The following BID variants were observed in gnomAD, a reference collection of about 807,000 sequenced individuals.
BID encodes the protein BH3 interacting domain death agonist.
A neutral mutation model predicts 17.4 loss-of-function variants in BID; 19 were observed. The observed-to-expected ratio is 1.09, with a 90% CI of 0.76 to 1.60. BID has a LOEUF of 1.60. Among genes scored for constraint, BID ranks in the 40% most tolerant of loss-of-function variants. The pLI is 0.00. For synonymous variants in BID, 108 were observed against 102.8 expected, an observed-to-expected ratio of 1.05 and a Z score of -0.31; for missense variants, 226 against 256.0, an observed-to-expected ratio of 0.88 and a Z score of 0.80.
rs543943613 is a variant in BID, at chr22:17,773,823, G to C, written c.-59+558C>G. 1.4e-5 allele frequency: 12 copies of C among 852,356 alleles called. No homozygotes were observed. The East Asian group carries it at 2.7e-4, about 19-fold the overall frequency. The allele number at this position is 852,356 out of a possible 1,614,324, so 52.8% of individuals were successfully genotyped here. A position where few individuals can be genotyped will look rare whatever the true frequency, so the allele number is the denominator to read the frequency against. On this transcript the variant is annotated intron_variant, in intron 1 of 5. Coordinates refer to ENST00000622694, the MANE Select transcript of BID (RefSeq NM_001196.4). This position sits in a 1 kb window ranked among gnomAD's most constrained non-coding sequence, Gnocchi z 4.4. ...TTCCCAGCAGCAGCAGCGAGGATCC[G>C]CACATCATTGCCAGTGCTCTAAGGA... is the stretch of plus-strand genomic sequence containing the variant.
intron 5 of BID, among the ~76,000 whole-genome samples, chr22:17,736,276 G>A (rs181384): frequency 0.05 from 7,633 of 151,958 alleles, 324 homozygotes; most frequent in African/African-American, 0.11. Context: ...GCCTAACATG[G>A]GAGAAACCTC....
At chr22:17,742,496 A>T (rs1019658398) in intron 3 of BID, among the ~76,000 whole-genome samples, 1 of 46,708 alleles carries the variant, frequency 2.1e-5, no homozygotes, top group Non-Finnish European at 4.9e-5. Context: ...CCCCACCCCC[A>T]CCCCGGTCTA....
chr22:17,735,638 C>T (rs1160342227), intron 5 of BID, 47 bp from the exon 6 acceptor site: 2 of 1,612,612 alleles, frequency 1.2e-6, no homozygotes, highest in African/African-American at 1.3e-5. Context: ...GGCTCATTCA[C>T]AAACCAGGCT....
intron 1 of BID, among the ~76,000 whole-genome samples, chr22:17,770,462 C>T (rs1037162580): frequency 6.6e-6 from 1 of 152,178 alleles, no homozygotes; most frequent in Admixed American, 6.5e-5. Flanking sequence ...TGGAACACCG[C>T]CCATCCCGGA....
intron 1 of BID, among the ~76,000 whole-genome samples, chr22:17,756,782 G>A (rs2061594279): frequency 6.6e-6 from 1 of 151,776 alleles, no homozygotes; most frequent in Admixed American, 6.6e-5. Context: ...CACTATGTTG[G>A]CCAGGCGGGT....
At chr22:17,737,431 C>T (rs550310825) in intron 5 of BID, among the ~76,000 whole-genome samples, 20 of 152,276 alleles carry the variant, frequency 1.3e-4, no homozygotes, top group Admixed American at 4.6e-4. Flanking sequence ...ACTGCAACCT[C>T]TGCCTCCAGG....
At chr22:17,763,906 A>T (rs527585893) in intron 1 of BID, among the ~76,000 whole-genome samples, 2 of 47,504 alleles carry the variant, frequency 4.2e-5, no homozygotes, top group East Asian at 3.3e-3. Flanking sequence ...TTATAATTTA[A>T]AAAAAAAAAA....
intron 1 of BID, among the ~76,000 whole-genome samples, chr22:17,758,090 C>G (rs1341608123): frequency 6.6e-6 from 1 of 152,164 alleles, no homozygotes; most frequent in Admixed American, 6.5e-5. Context: ...CCTGGGGGGT[C>G]CTTGAAGGTA....
At chr22:17,764,867 G>A (rs1403511369) in intron 1 of BID, among the ~76,000 whole-genome samples, 2 of 152,170 alleles carry the variant, frequency 1.3e-5, no homozygotes, top group Admixed American at 6.6e-5. Context: ...AGAAATAAGC[G>A]GTAGCATCTC....
At chr22:17,737,355 C>T (rs2061427628) in intron 5 of BID, among the ~76,000 whole-genome samples, 1 of 152,032 alleles carries the variant, frequency 6.6e-6, no homozygotes, top group African/African-American at 2.4e-5. Context: ...TCACATTACA[C>T]CTTTTTTTTG....
intron 1 of BID, among the ~76,000 whole-genome samples, chr22:17,761,083 A>G (rs1380079379): frequency 6.6e-6 from 1 of 152,216 alleles, no homozygotes; most frequent in African/African-American, 2.4e-5. Flanking sequence ...AGGTCTTACA[A>G]GATAACGCTT....
chr22:17,767,708 G>A (rs957941253), intron 1 of BID, among the ~76,000 whole-genome samples: 1 of 152,168 alleles, frequency 6.6e-6, no homozygotes, highest in Non-Finnish European at 1.5e-5. Context: ...GGGTAAGCCC[G>A]AAACCAACAG....
At chr22:17,764,017 A>G (rs1331514465) in intron 1 of BID, among the ~76,000 whole-genome samples, 1 of 152,194 alleles carries the variant, frequency 6.6e-6, no homozygotes, top group Non-Finnish European at 1.5e-5. Context: ...TCTCATTTCC[A>G]TTCAGAAATC....
chr22:17,748,912 G>A (rs2061516421), intron 2 of BID, among the ~76,000 whole-genome samples: 1 of 152,230 alleles, frequency 6.6e-6, no homozygotes, highest in Admixed American at 6.5e-5. Context: ...TCAGGGCCGG[G>A]GGAGCTCCTG....
intron 5 of BID, 74 bp from the exon 6 acceptor site, chr22:17,735,665 C>T: frequency 6.3e-7 from 1 of 1,575,686 alleles, no homozygotes. Flanking sequence ...CTCTGTGCCA[C>T]AGTAGAGCAA....
intron 3 of BID, among the ~76,000 whole-genome samples, chr22:17,743,422 G>A (rs1016294192): frequency 6.6e-6 from 1 of 152,256 alleles, no homozygotes; most frequent in African/African-American, 2.4e-5. Flanking sequence ...ACAAGGCCAA[G>A]TGTGAGAACC....
At chr22:17,761,532 C>T (rs987479377) in intron 1 of BID, among the ~76,000 whole-genome samples, 4 of 151,128 alleles carry the variant, frequency 2.6e-5, no homozygotes, top group South Asian at 2.1e-4. Context: ...CCTGGGTTCA[C>T]GCCATTCTCC....
intron 1 of BID, among the ~76,000 whole-genome samples, chr22:17,766,759 G>A (rs2061682061): frequency 6.6e-6 from 1 of 150,468 alleles, no homozygotes; most frequent in Non-Finnish European, 1.5e-5. Flanking sequence ...CCGGCTAATT[G>A]TTTGTATTTT....
In BID at chr22:17,740,619, G is replaced by A. The variant is rs181197206; in HGVS notation, c.224-1131C>T. ...TAATTTTTGTATTTTAAGTAGAGAC[G>A]GGTTTCACCATGTTGGTCAGGCTGG... is the stretch of plus-strand genomic sequence containing the variant. On this transcript the variant is annotated intron_variant, in intron 3 of 5. Transcript: ENST00000622694. 254 of 175,194 alleles carry A rather than the reference G, an allele frequency of 1.4e-3. 1 individual carries two copies. Among genetic ancestry groups the A allele is most frequent in the South Asian group, 5.1e-3 (44 of 8,652 alleles). 10.9% of individuals were successfully genotyped at this position (175,194 alleles called of 1,614,324 possible).
Sources: allele counts gnomAD v4.1 joint callset (sites outside exome capture counted in the v4.1 genomes callset), GRCh38; gene constraint gnomAD v4.1.1; non-coding constraint Gnocchi (gnomAD v3.1); transcripts MANE v1.5; gene names NCBI Gene and HGNC (gene_info 2026-07-23, HGNC 2026-07-21).